XRRA1: variants seen among roughly 807,000 people sequenced by gnomAD.
XRRA1 encodes the protein X-ray radiation resistance associated 1.
A neutral mutation model predicts 80.2 loss-of-function variants in XRRA1; 69 were observed. The ratio of observed to expected loss-of-function variants is 0.86; its 90% confidence interval spans 0.71 to 1.05. XRRA1 has a LOEUF of 1.05. XRRA1 is among the 50% of genes least tolerant of loss of function. The probability of loss-of-function intolerance (pLI) is 0.00; values close to 1 mark genes in which losing one functional copy is unlikely to be tolerated. For missense variants in XRRA1, 967 were observed against 976.4 expected (o/e 0.99, Z 0.13); for synonymous variants, 348 against 389.9 (o/e 0.89, Z 1.27).
chr11:74,867,211 C>T (rs2043646295), intron 10 of XRRA1, among the ~76,000 whole-genome samples: 1 of 152,162 alleles, frequency 6.6e-6, no homozygotes, highest in Admixed American at 6.5e-5. Flanking sequence ...CACACTAGTT[C>T]TCCAGCAATG....
intron 10 of XRRA1, among the ~76,000 whole-genome samples, chr11:74,899,736 A>G (rs180860848): frequency 5.3e-5 from 8 of 152,346 alleles, no homozygotes; most frequent in African/African-American, 1.7e-4. Context: ...GACCATTAAC[A>G]AGTAACGTGA....
At chr11:74,909,608 A>G (rs1484734853) in intron 8 of XRRA1, among the ~76,000 whole-genome samples, 1 of 152,196 alleles carries the variant, frequency 6.6e-6, no homozygotes, top group Non-Finnish European at 1.5e-5. Flanking sequence ...GGCAGCCATC[A>G]GATGGGTGAG....
intron 11 of XRRA1, 91 bp downstream of exon 11, chr11:74,862,890 G>T: frequency 8.6e-7 from 1 of 1,165,014 alleles, no homozygotes; most frequent in South Asian, 1.6e-5. Context: ...CTATAGAAAT[G>T]ACTCTCATGG....
At chr11:74,868,985 TGACCATATG>T (rs2044130778) in intron 10 of XRRA1, among the ~76,000 whole-genome samples, 1 of 152,098 alleles carries the variant, frequency 6.6e-6, no homozygotes, top group Non-Finnish European at 1.5e-5. Context: ...ACTCAATACT[TGACCATATG>T]GACCCAATTG....
Position 74,933,802 on chromosome 11 carries a change from T to C in XRRA1, c.350A>G (p.Lys117Arg). The C allele has an allele frequency of 6.3e-7, 1 of 1,590,380 alleles. No homozygotes were observed. The highest frequency in any genetic ancestry group is 8.6e-7 in the Non-Finnish European group (1 of 1,167,890). ...TINVSGLKFSKAKENDFKHFH... is the reference protein window; with the variant it reads ...TINVSGLKFSRAKENDFKHFH... ...CACATCTTTGCTGGCTGACCTCACCTTGGAGAACTTCAGGCCACTCACATT... is the reference window on the plus strand; with the variant it reads ...CACATCTTTGCTGGCTGACCTCACCCTGGAGAACTTCAGGCCACTCACATT... The change falls in exon 5 of 19, where the codon AAG (lysine) becomes AGG (arginine). Residue 117 changes from lysine to arginine, a missense_variant and splice_region_variant. Lys to Arg is a conservative substitution (Grantham distance 26). Transcript: ENST00000684022.
chr11:74,879,326 C>CT (rs1449473716), intron 10 of XRRA1, among the ~76,000 whole-genome samples: 12 of 152,014 alleles, frequency 7.9e-5, no homozygotes, highest in Admixed American at 6.6e-4. Context: ...TATCCTGAGA[C>CT]TTTGCTGAAG....
chr11:74,879,616 C>T (rs2046979646), intron 10 of XRRA1, among the ~76,000 whole-genome samples: 1 of 151,984 alleles, frequency 6.6e-6, no homozygotes, highest in Non-Finnish European at 1.5e-5. Flanking sequence ...ATAGATAGCT[C>T]TTATTATTTT....
intron 10 of XRRA1, among the ~76,000 whole-genome samples, chr11:74,870,482 G>A (rs78557474): frequency 1.3e-5 from 2 of 152,162 alleles, no homozygotes; most frequent in South Asian, 2.1e-4. Context: ...AATGCTGTGG[G>A]AATTTTTACA....
At chr11:74,943,478 T>C (rs1946754215) in intron 2 of XRRA1, among the ~76,000 whole-genome samples, 1 of 150,198 alleles carries the variant, frequency 6.7e-6, no homozygotes, top group South Asian at 2.1e-4. Context: ...GGGCAGGCTA[T>C]GTGAGTGAGT....
chr11:74,888,762 G>A (rs929251608), intron 10 of XRRA1, among the ~76,000 whole-genome samples: 3 of 152,136 alleles, frequency 2.0e-5, no homozygotes, highest in South Asian at 4.1e-4. Flanking sequence ...CGAGAACTAC[G>A]TGATGAATGC....
intron 7 of XRRA1, among the ~76,000 whole-genome samples, chr11:74,925,436 G>A (rs1453144908): frequency 6.6e-6 from 1 of 151,430 alleles, no homozygotes; most frequent in Non-Finnish European, 1.5e-5. Context: ...GTCACATCAA[G>A]TTTTATTACA....
At chr11:74,944,517 C>T (rs1435552769) in intron 2 of XRRA1, among the ~76,000 whole-genome samples, 1 of 152,180 alleles carries the variant, frequency 6.6e-6, no homozygotes. Flanking sequence ...GTTGGTACCT[C>T]CTTTGGTCCA....
Position 74,921,354 on chromosome 11 carries a change from T to G in XRRA1, c.523-7A>C. The G allele has an allele frequency of 6.2e-7, 1 of 1,613,856 alleles. No individual in the cohort carries two copies. Among genetic ancestry groups the G allele is most frequent in the Non-Finnish European group, 8.5e-7 (1 of 1,179,802 alleles). On this transcript the variant is annotated splice_region_variant and splice_polypyrimidine_tract_variant and intron_variant, in intron 7 of 18. Transcript: ENST00000684022. ...TGAAGGAAAGGTCCAAGAACTGCCA[T>G]GCAAAGATGAAAGATGGGGAAGGTA...
At chr11:74,873,874 G>A (rs773580048) in intron 10 of XRRA1, among the ~76,000 whole-genome samples, 19 of 152,032 alleles carry the variant, frequency 1.2e-4, no homozygotes, top group Non-Finnish European at 2.1e-4. Flanking sequence ...AAGAGGATTT[G>A]GGGGCATTAC....
chr11:74,870,573 G>T (rs976058837), intron 10 of XRRA1, among the ~76,000 whole-genome samples: 2 of 152,128 alleles, frequency 1.3e-5, no homozygotes, highest in Non-Finnish European at 2.9e-5. Flanking sequence ...TGCCATTTTT[G>T]TGATTTTCTA....
At chr11:74,872,160 A>G (rs1264298261) in intron 10 of XRRA1, among the ~76,000 whole-genome samples, 1 of 152,232 alleles carries the variant, frequency 6.6e-6, no homozygotes, top group Non-Finnish European at 1.5e-5. Flanking sequence ...ATAAAGAACT[A>G]GGAGAGCCAA....
intron 10 of XRRA1, among the ~76,000 whole-genome samples, chr11:74,891,388 T>C (rs930137306): frequency 2.0e-5 from 3 of 152,206 alleles, no homozygotes; most frequent in African/African-American, 4.8e-5. Context: ...AAATTAGGTA[T>C]TGATTGGACA....
chr11:74,920,101 C>T lies in XRRA1; in HGVS notation c.656+1113G>A, dbSNP rs147861886. 451 of 162,946 alleles carry T rather than the reference C, an allele frequency of 2.8e-3. 2 individuals are homozygous for T. In the Middle Eastern group the frequency reaches 0.039, roughly 14 times the overall value. The allele number at this position is 162,946 out of a possible 1,614,324, so 10.1% of individuals were successfully genotyped here. A position where few individuals can be genotyped will look rare whatever the true frequency, so the allele number is the denominator to read the frequency against. ...GTAACAGACTAACAGAAGCTGCACA[C>T]ATGCTCAAGAAATAGAGATGCACGC... On this transcript the variant is annotated intron_variant, in intron 8 of 18. Transcript: ENST00000684022.
intron 2 of XRRA1, among the ~76,000 whole-genome samples, chr11:74,942,645 G>C (rs1946557682): frequency 6.6e-6 from 1 of 152,208 alleles, no homozygotes; most frequent in Non-Finnish European, 1.5e-5. Context: ...CATGGGTTCA[G>C]ATCCTAGCTA....
Sources: gnomAD v4.1 joint callset for allele counts (sites outside exome capture counted in the v4.1 genomes callset) on GRCh38, gnomAD v4.1.1 for gene constraint, MANE v1.5 for transcripts, NCBI Gene and HGNC (gene_info 2026-07-23, HGNC 2026-07-21) for gene names.